The following DCHS2 variants were observed in gnomAD, a reference collection of about 807,000 sequenced individuals.
DCHS2 encodes the protein protocadherin-23.
A neutral mutation model predicts 182.4 loss-of-function variants in DCHS2; 142 were observed. The ratio of observed to expected loss-of-function variants is 0.78; its 90% CI spans 0.68 to 0.89. DCHS2 has a LOEUF of 0.89. Among genes scored for constraint, DCHS2 ranks in the 40% least tolerant of loss-of-function variants. DCHS2 has a pLI of 0.00. For missense variants in DCHS2, 4,319 were observed against 4,198.6 expected (o/e 1.03, Z -0.79); for synonymous variants, 1,740 against 1,663.3 (o/e 1.05, Z -1.12).
intron 3 of DCHS2, among the ~76,000 whole-genome samples, chr4:154,362,227 A>G (rs369147160): frequency 6.6e-6 from 1 of 152,298 alleles, no homozygotes; most frequent in Admixed American, 6.5e-5. Context: ...CAAAAAGTAA[A>G]GTGCCAGCAC....
chr4:154,380,449 G>A (rs1015405840), intron 1 of DCHS2, among the ~76,000 whole-genome samples: 7 of 152,090 alleles, frequency 4.6e-5, no homozygotes, highest in African/African-American at 1.7e-4. Context: ...AGTTCCTGAA[G>A]ACACCAAATA....
intron 18 of DCHS2, 80 bp from the exon 19 acceptor site, chr4:154,239,382 C>G: frequency 6.4e-7 from 1 of 1,564,728 alleles, no homozygotes; most frequent in South Asian, 1.2e-5. Context: ...AACATGAGGT[C>G]ATTTTATTCA....
chr4:154,410,386 T>C (rs1177960070), intron 1 of DCHS2, among the ~76,000 whole-genome samples: 1 of 122,872 alleles, frequency 8.1e-6, no homozygotes, highest in Non-Finnish European at 1.7e-5. Flanking sequence ...AGAAATAAAA[T>C]AGAGAATTTC....
intron 3 of DCHS2, chr4:154,354,771 C>A (rs1018715695): frequency 1.3e-5 from 2 of 152,182 alleles, no homozygotes; most frequent in Admixed American, 1.3e-4. Flanking sequence ...AATGTGCCTT[C>A]CCATCATCCA....
intron 3 of DCHS2, among the ~76,000 whole-genome samples, chr4:154,345,817 G>GAAA (rs751168824): frequency 1.3e-5 from 2 of 152,176 alleles, no homozygotes; most frequent in Non-Finnish European, 2.9e-5. Context: ...AACCAACCTG[G>GAAA]AAAAAAATCA....
rs755651982 is a variant in DCHS2 at position 154,335,024 on chromosome 4, C to T, written c.2557G>A (p.Gly853Arg). Residue 853 changes from glycine to arginine, a missense_variant, in exon 4 of 20, where the codon GGG becomes AGG. Coordinates refer to ENST00000357232, the MANE Select transcript of DCHS2 (RefSeq NM_001358235.2). ...SLMVSAQDGG[G>R]LTAVINADVT... ...TCGGCATTAATGACAGCTGTGAGCC[C>T]ACCACCGTCTTGAGCAGAGACCATC... The T allele has an allele frequency of 4.3e-6, 7 of 1,613,884 alleles. No individual in the cohort carries two copies. The highest frequency in any genetic ancestry group is 1.6e-4 in the Middle Eastern group (1 of 6,084).
chr4:154,361,226 C>T (rs554256301), intron 3 of DCHS2, among the ~76,000 whole-genome samples: 164 of 152,226 alleles, frequency 1.1e-3, no homozygotes, highest in African/African-American at 3.8e-3. Context: ...TTGAAACCTG[C>T]CTGTTGCCTT....
intron 12 of DCHS2, among the ~76,000 whole-genome samples, chr4:154,300,357 T>G (rs1478830069): frequency 1.3e-5 from 2 of 152,038 alleles, no homozygotes; most frequent in African/African-American, 4.8e-5. Context: ...AAATTTCTAT[T>G]TTAAGAATAG....
chr4:154,257,829 C>T (rs1256247848), intron 15 of DCHS2, among the ~76,000 whole-genome samples: 1 of 152,206 alleles, frequency 6.6e-6, no homozygotes, highest in Admixed American at 6.5e-5. Flanking sequence ...TTCTATCTGT[C>T]CCTGACTCAG....
In DCHS2 at chr4:154,298,250, C is replaced by T; in HGVS notation, c.6064G>A (p.Val2022Ile). ...TCAGTGACATATACTTTTATAATTACAGTGGTGCTTCGTGAACCCTGGATG... is the reference window on the plus strand; with the variant it reads ...TCAGTGACATATACTTTTATAATTATAGTGGTGCTTCGTGAACCCTGGATG... ...CSIQGSRSTTVIIKVYVTDVN... is the reference protein window; with the variant it reads ...CSIQGSRSTTIIIKVYVTDVN... Residue 2022 changes from valine to isoleucine, a missense_variant, in exon 13 of 20, where the codon GTA (valine) becomes ATA (isoleucine). Transcript: ENST00000357232. The T allele has an allele frequency of 6.2e-7, 1 of 1,614,144 alleles. No homozygotes were observed. The highest frequency in any genetic ancestry group is 8.5e-7 in the Non-Finnish European group (1 of 1,180,024).
chr4:154,329,423 C>A (rs1736420330), intron 6 of DCHS2, 100 bp downstream of exon 6: 6 of 1,223,624 alleles, frequency 4.9e-6, no homozygotes, highest in Non-Finnish European at 1.1e-6. Context: ...CTTTGCCACA[C>A]CAAGACTGAT....
At chr4:154,316,912 C>CAGAT (rs760563688) in intron 9 of DCHS2, among the ~76,000 whole-genome samples, 73 of 152,214 alleles carry the variant, frequency 4.8e-4, no homozygotes, top group South Asian at 1.0e-3. Context: ...TACTGGCACA[C>CAGAT]AGATAGCCAT....
Position 154,331,800 on chromosome 4 carries a change from G to A in DCHS2, c.3730+678C>T, listed in dbSNP as rs867481775. 69 of 1,434,552 alleles carry A rather than the reference G, an allele frequency of 4.8e-5. No individual in the cohort carries two copies. In the Middle Eastern group the frequency reaches 4.8e-3, roughly 99 times the overall value. The allele number at this position is 1,434,552 out of a possible 1,614,324, so 88.9% of individuals were successfully genotyped here. A position where few individuals can be genotyped will look rare whatever the true frequency, so the allele number is the denominator to read the frequency against. On this transcript the variant is annotated intron_variant, in intron 5 of 19. Transcript: ENST00000357232. ...GAGCTATCTGAGTTTCAGTTTTCCCGGGTATGTATTTGCAGTATAGATATG... is the reference window on the plus strand; with the variant it reads ...GAGCTATCTGAGTTTCAGTTTTCCCAGGTATGTATTTGCAGTATAGATATG...
At chr4:154,428,915 A>G (rs1387999287) in intron 1 of DCHS2, among the ~76,000 whole-genome samples, 1 of 152,076 alleles carries the variant, frequency 6.6e-6, no homozygotes, top group East Asian at 1.9e-4. Flanking sequence ...ATCTCAAAGA[A>G]AAAAAAGGAA....
intron 1 of DCHS2, among the ~76,000 whole-genome samples, chr4:154,446,464 C>G (rs540400508): frequency 3.1e-4 from 47 of 152,298 alleles, no homozygotes; most frequent in Non-Finnish European, 5.9e-4. Context: ...AAAGAATTAA[C>G]TGTAAAAATA....
At chr4:154,392,104 C>T (rs374173266) in intron 1 of DCHS2, among the ~76,000 whole-genome samples, 21 of 152,228 alleles carry the variant, frequency 1.4e-4, no homozygotes, top group East Asian at 1.2e-3. Flanking sequence ...AAAGCTTCCA[C>T]GTGGTATGAT....
chr4:154,271,136 C>A (rs1733571054), intron 13 of DCHS2, among the ~76,000 whole-genome samples: 1 of 151,950 alleles, frequency 6.6e-6, no homozygotes, highest in Non-Finnish European at 1.5e-5. Context: ...GATCTAGAAC[C>A]AAATAAGGCA....
At chr4:154,413,755 T>TGTGTTA in intron 1 of DCHS2, among the ~76,000 whole-genome samples, 1 of 152,192 alleles carries the variant, frequency 6.6e-6, no homozygotes, top group Admixed American at 6.5e-5. Context: ...CCTCCTTACC[T>TGTGTTA]GGCCTCCCTG....
intron 14 of DCHS2, among the ~76,000 whole-genome samples, chr4:154,267,821 C>T (rs1164024801): frequency 1.3e-5 from 2 of 152,164 alleles, no homozygotes; most frequent in African/African-American, 2.4e-5. Flanking sequence ...GCAGCCTCTC[C>T]AGTAGTTTTT....
Sources: allele counts gnomAD v4.1 joint callset (sites outside exome capture counted in the v4.1 genomes callset), GRCh38; gene constraint gnomAD v4.1.1; transcripts MANE v1.5; gene names NCBI Gene and HGNC (gene_info 2026-07-23, HGNC 2026-07-21).